Variants in DPP10 observed in about 807,000 individuals in gnomAD.
The protein encoded by DPP10 is dipeptidyl peptidase like 10, also known as inactive dipeptidyl peptidase 10.
DPP10 carries 33 observed loss-of-function variants against 120.9 expected under a neutral mutation model. The ratio of observed to expected loss-of-function variants is 0.27; its 90% CI spans 0.21 to 0.37. The LOEUF (loss-of-function observed/expected upper bound fraction) is 0.37, where lower values mean the gene tolerates loss of function less well. Ranked by LOEUF, DPP10 falls within the 10% of genes least tolerant of loss-of-function variation. DPP10 has a pLI of 1.00. For missense variants in DPP10, 816 were observed against 942.8 expected (o/e 0.87, Z 1.76); for synonymous variants, 337 against 326.1 (o/e 1.03, Z -0.36).
At chr2:114,647,199 C>T (rs1696206325) in intron 1 of DPP10, among the ~76,000 whole-genome samples, 1 of 152,318 alleles carries the variant, frequency 6.6e-6, no homozygotes, top group African/African-American at 2.4e-5. Context: ...TATGGGATGG[C>T]TCCAGGTGTC....
At chr2:114,819,609 G>A (rs552287732) in intron 1 of DPP10, among the ~76,000 whole-genome samples, 19 of 152,268 alleles carry the variant, frequency 1.2e-4, no homozygotes, top group Admixed American at 3.9e-4. Flanking sequence ...TAAAGCCTGC[G>A]TAAAAAACCC....
intron 2 of DPP10, among the ~76,000 whole-genome samples, chr2:115,334,564 G>A (rs899579844): frequency 6.6e-6 from 1 of 151,752 alleles, no homozygotes; most frequent in African/African-American, 2.4e-5. Flanking sequence ...AGACTTTTCT[G>A]TGAATTTTAC....
intron 5 of DPP10, among the ~76,000 whole-genome samples, chr2:115,629,740 C>G: frequency 6.6e-6 from 1 of 152,156 alleles, no homozygotes; most frequent in Non-Finnish European, 1.5e-5. Context: ...TCTGAGGCCT[C>G]TGCTCTGTTC....
At chr2:115,785,360 G>C (rs181959129) in intron 17 of DPP10, among the ~76,000 whole-genome samples, 57 of 152,270 alleles carry the variant, frequency 3.7e-4, no homozygotes, top group African/African-American at 1.3e-3. Flanking sequence ...AGAATGAGTT[G>C]GGTAGGAATC....
At chr2:115,746,322 G>A (rs530387181) in intron 10 of DPP10, 139 bp downstream of exon 10, 1 of 756,604 alleles carries the variant, frequency 1.3e-6, no homozygotes, top group Admixed American at 2.7e-5. Flanking sequence ...CATTAGTGAG[G>A]AATGAAGTCA....
intron 5 of DPP10, among the ~76,000 whole-genome samples, chr2:115,546,303 T>G (rs908877258): frequency 6.6e-6 from 1 of 152,158 alleles, no homozygotes; most frequent in Non-Finnish European, 1.5e-5. Context: ...TAACCCAAAA[T>G]TACGTATGTA....
intron 1 of DPP10, among the ~76,000 whole-genome samples, chr2:114,986,050 T>A (rs1700373834): frequency 1.3e-5 from 2 of 152,172 alleles, no homozygotes; most frequent in South Asian, 4.1e-4. Context: ...AAATAGTGTA[T>A]CATTGAAATG....
At chr2:114,481,959 G>GGAGGAGAGGA (rs1553448258) in intron 1 of DPP10, among the ~76,000 whole-genome samples, 2 of 149,150 alleles carry the variant, frequency 1.3e-5, no homozygotes, top group African/African-American at 5.0e-5. Context: ...GAGGAGGAGA[G>GGAGGAGAGGA]GAGAGAGAGA....
intron 1 of DPP10, among the ~76,000 whole-genome samples, chr2:114,729,916 T>C (rs1395897626): frequency 6.6e-6 from 1 of 152,170 alleles, no homozygotes; most frequent in Non-Finnish European, 1.5e-5. Flanking sequence ...CAGTAATTGA[T>C]GAAAGCACAA....
chr2:114,499,426 C>A (rs1404578587), intron 1 of DPP10, among the ~76,000 whole-genome samples: 3 of 152,186 alleles, frequency 2.0e-5, no homozygotes, highest in African/African-American at 7.2e-5. Context: ...TCCTGCAAGG[C>A]TAGGCAAACA....
intron 3 of DPP10, among the ~76,000 whole-genome samples, chr2:115,425,773 G>A (rs1000770879): frequency 3.9e-5 from 6 of 152,146 alleles, no homozygotes; most frequent in African/African-American, 1.4e-4. Flanking sequence ...TGGTTTAATT[G>A]GCTTATGGAT....
intron 3 of DPP10, among the ~76,000 whole-genome samples, chr2:115,485,442 G>A (rs560540991): frequency 5.3e-5 from 8 of 151,570 alleles, no homozygotes; most frequent in Admixed American, 1.3e-4. Flanking sequence ...TTTTATATTC[G>A]TGCCCTTCAT....
intron 1 of DPP10, among the ~76,000 whole-genome samples, chr2:114,452,586 T>C (rs1349075263): frequency 2.0e-5 from 3 of 152,184 alleles, no homozygotes; most frequent in Non-Finnish European, 4.4e-5. Context: ...ACCACACTTA[T>C]GATCATGGTC....
chr2:115,442,814 C>A (rs2104886719), intron 3 of DPP10, among the ~76,000 whole-genome samples: 2 of 152,180 alleles, frequency 1.3e-5, no homozygotes, highest in Admixed American at 1.3e-4. Context: ...ATGTAAGGGG[C>A]CTTAACACTT....
At chr2:115,367,282 T>C (rs1324359417) in intron 3 of DPP10, among the ~76,000 whole-genome samples, 1 of 151,950 alleles carries the variant, frequency 6.6e-6, no homozygotes, top group Non-Finnish European at 1.5e-5. Flanking sequence ...TTTAAACTAC[T>C]TTTTGGCAAC....
At chr2:114,555,136 A>G (rs889792633) in intron 1 of DPP10, among the ~76,000 whole-genome samples, 2 of 152,212 alleles carry the variant, frequency 1.3e-5, no homozygotes, top group African/African-American at 4.8e-5. Flanking sequence ...CCCAGAGCAC[A>G]GTATAGAGTA....
intron 3 of DPP10, among the ~76,000 whole-genome samples, chr2:115,357,645 C>G (rs2064485034): frequency 6.6e-6 from 1 of 152,178 alleles, no homozygotes; most frequent in African/African-American, 2.4e-5. Flanking sequence ...CACAACTCCA[C>G]TAGGCAGTGC....
At chr2:115,516,047 G>A (rs1451989048) in intron 4 of DPP10, among the ~76,000 whole-genome samples, 5 of 152,050 alleles carry the variant, frequency 3.3e-5, no homozygotes, top group Admixed American at 2.6e-4. Context: ...CTGAGAAAGT[G>A]GACAATACAA....
chr2:115,004,148 A>G (rs1207720205), intron 1 of DPP10, among the ~76,000 whole-genome samples: 1 of 152,148 alleles, frequency 6.6e-6, no homozygotes, highest in Non-Finnish European at 1.5e-5. Flanking sequence ...GGATCTCATG[A>G]AGATTGGTGA....
Sources: gnomAD v4.1 joint callset for allele counts (sites outside exome capture counted in the v4.1 genomes callset) on GRCh38, gnomAD v4.1.1 for gene constraint, MANE v1.5 for transcripts, NCBI Gene and HGNC (gene_info 2026-07-23, HGNC 2026-07-21) for gene names.